The following PSME4 variants were observed in gnomAD, a reference collection of about 807,000 sequenced individuals.
PSME4 encodes proteasome activator subunit 4, also known as proteasome activator complex subunit 4.
A neutral mutation model predicts 253.9 loss-of-function variants in PSME4; 89 were observed. The observed-to-expected ratio is 0.35, with a 90% CI of 0.30 to 0.42. The LOEUF is 0.42. Among genes scored for constraint, PSME4 ranks in the 10% least tolerant of loss-of-function variants. PSME4 has a pLI of 1.00. For missense variants in PSME4, 2,014 were observed against 2,195.2 expected, an observed-to-expected ratio of 0.92 and a Z score of 1.65; for synonymous variants, 851 against 759.2, an observed-to-expected ratio of 1.12 and a Z score of -1.99.
At chr2:53,895,465 A>G (rs1339078900) in intron 33 of PSME4, 118 bp downstream of exon 33, 2 of 1,001,760 alleles carry the variant, frequency 2.0e-6, no homozygotes, top group Non-Finnish European at 2.9e-6. Context: ...AGAGAGGACT[A>G]GGGAAGGGGA....
chr2:53,925,426 T>C lies in PSME4; in HGVS notation c.1809+113A>G, dbSNP rs76935612. On this transcript the variant is annotated intron_variant, in intron 14 of 46. Coordinates refer to ENST00000404125, the MANE Select transcript of PSME4 (RefSeq NM_014614.3). ...ACTGTACATTTCTTTAAAACTTTAG[T>C]ATGAATGTAAATGATAAACTGCATG... 56 of 1,010,420 alleles carry C rather than the reference T, an allele frequency of 5.5e-5. No individual in the cohort carries two copies. The East Asian group carries it at 1.5e-3, about 27-fold the overall frequency. 62.6% of individuals were successfully genotyped at this position (1,010,420 alleles called of 1,614,324 possible). A position where few individuals can be genotyped will look rare whatever the true frequency, so the allele number is the denominator to read the frequency against.
At chr2:53,923,297 A>G in intron 15 of PSME4, 24 bp downstream of exon 15, 4 of 1,584,676 alleles carry the variant, frequency 2.5e-6, no homozygotes, top group Middle Eastern at 1.7e-4. Flanking sequence ...TCATTAATAC[A>G]TCAGTTCAAA....
chr2:53,925,550 C>A lies in PSME4; in HGVS notation c.1798G>T (p.Glu600Ter). 1 of 1,550,624 alleles carries A rather than the reference C, an allele frequency of 6.4e-7. No individual in the cohort carries two copies. The highest frequency in any genetic ancestry group is 8.8e-7 in the Non-Finnish European group (1 of 1,137,286). The change falls in exon 14 of 47, where the codon GAA (glutamate) becomes TAA (stop). Residue 600 changes from glutamate (E) to a stop codon, truncating the protein, a stop_gained. Transcript: ENST00000404125. LOFTEE classifies it high-confidence loss of function. ...AGCAATGTTCTTACCATAAATATTT[C>A]TTTGGAACATTGGGTGAGGATTGTA... ...FSTILTQCSK[E>*]IFMVALQKVF...
chr2:53,867,728 A>T (rs1330213186), intron 44 of PSME4, among the ~76,000 whole-genome samples: 1 of 151,654 alleles, frequency 6.6e-6, no homozygotes, highest in African/African-American at 2.4e-5. Context: ...TATCAATGAC[A>T]GCATAATTGT....
intron 41 of PSME4, among the ~76,000 whole-genome samples, chr2:53,878,461 C>A (rs111679784): frequency 1.2e-3 from 188 of 152,310 alleles, no homozygotes; most frequent in African/African-American, 4.3e-3. Context: ...AATGTTCAGA[C>A]AACAAAGGAG....
At position 53,940,988 on chromosome 2, in the gene PSME4, T is replaced by C. The variant is rs1282934640; in HGVS notation, c.501-988A>G. On this transcript the variant is annotated intron_variant, in intron 3 of 46. Coordinates refer to ENST00000404125, the MANE Select transcript of PSME4 (RefSeq NM_014614.3). ...ATATATATATATATATATATATATA[T>C]ATATATATATATGAAAGGAGTAAGT... 8.9e-5 allele frequency among the ~76,000 whole-genome samples: 8 copies of C among 90,350 alleles called. No homozygotes were observed. In the South Asian group the frequency reaches 2.3e-3, roughly 27 times the overall value. The allele number at this position is 90,350 out of a possible 152,430, so 59.3% of individuals were successfully genotyped here.
At chr2:53,909,265 T>C (rs1446045095) in intron 21 of PSME4, among the ~76,000 whole-genome samples, 3 of 152,184 alleles carry the variant, frequency 2.0e-5, no homozygotes, top group Non-Finnish European at 2.9e-5. Flanking sequence ...TAGCAATTAA[T>C]GTATGTAACT....
intron 33 of PSME4, 49 bp from the exon 34 acceptor site, chr2:53,895,125 G>C (rs1031966498): frequency 6.7e-7 from 1 of 1,501,154 alleles, no homozygotes; most frequent in African/African-American, 1.4e-5. Flanking sequence ...AAAAATATTA[G>C]AGCTTCATGG....
intron 40 of PSME4, among the ~76,000 whole-genome samples, 178 bp from the exon 41 acceptor site, chr2:53,885,953 C>G (rs778556413): frequency 3.3e-5 from 5 of 152,024 alleles, no homozygotes; most frequent in Admixed American, 6.6e-5. Flanking sequence ...TATAACAGCA[C>G]CCAAAATAAA....
Position 53,902,420 on chromosome 2 carries a change from A to C in PSME4, c.3076-861T>G, listed in dbSNP as rs139550014. Among the ~76,000 whole-genome samples, 141 of 152,330 alleles carry C rather than the reference A, an allele frequency of 9.3e-4. 5 individuals carry two copies. The East Asian group carries it at 0.023, about 25-fold the overall frequency. On this transcript the variant is annotated intron_variant, in intron 27 of 46. Transcript: ENST00000404125. ...AAGTGCTTTTTCATAAAAAGTTTTT[A>C]CTATCAAAACTTTTGATTTCCAATT...
chr2:53,869,703 A>C (rs1281937750), intron 43 of PSME4, 165 bp from the exon 44 acceptor site: 3 of 471,518 alleles, frequency 6.4e-6, no homozygotes, highest in Admixed American at 3.6e-5. Flanking sequence ...GCAGATTCTC[A>C]AAGAGTTTGT....
chr2:53,962,380 A>G (rs1332877024), intron 1 of PSME4, among the ~76,000 whole-genome samples: 1 of 144,262 alleles, frequency 6.9e-6, no homozygotes, highest in African/African-American at 2.6e-5. Flanking sequence ...ATATAGTTAT[A>G]TGCTTATTTA....
chr2:53,871,688 A>C lies in PSME4; in HGVS notation c.5101-2150T>G, dbSNP rs1172093964. 3.3e-5 allele frequency among the ~76,000 whole-genome samples: 5 copies of C among 152,104 alleles called. No individual in the cohort carries two copies. The East Asian group carries it at 9.6e-4, about 29-fold the overall frequency. On this transcript the variant is annotated intron_variant, in intron 43 of 46. Transcript: ENST00000404125. ...TTACGTTCCTATAAATAATATCCAA[A>C]TCCACTTTCTCCTAATTTATTTTTT...
At chr2:53,870,123 G>T (rs1450712999) in intron 43 of PSME4, 1 of 152,150 alleles carries the variant, frequency 6.6e-6, no homozygotes, top group Non-Finnish European at 1.5e-5. Context: ...GCGGTAAAAA[G>T]ACATTGTTTC....
chr2:53,943,287 G>A (rs1409942409), intron 3 of PSME4, among the ~76,000 whole-genome samples: 1 of 152,100 alleles, frequency 6.6e-6, no homozygotes, highest in Non-Finnish European at 1.5e-5. Context: ...GTATATATCT[G>A]CCTTCATCCC....
At chr2:53,933,303 G>A (rs113808583) in intron 8 of PSME4, 6,587 of 148,830 alleles carry the variant, frequency 0.044, 209 homozygotes, top group South Asian at 0.076. Context: ...ACTTGAACCC[G>A]GGAGGTGGAG....
intron 1 of PSME4, among the ~76,000 whole-genome samples, chr2:53,962,997 G>A (rs1398885195): frequency 1.4e-5 from 2 of 147,646 alleles, no homozygotes; most frequent in African/African-American, 2.5e-5. Context: ...GTAACAGAGC[G>A]AGACTCAGTG....
chr2:53,901,706 C>T, intron 27 of PSME4, 147 bp from the exon 28 acceptor site: 1 of 569,032 alleles, frequency 1.8e-6, no homozygotes, highest in Non-Finnish European at 2.9e-6. Flanking sequence ...ACACATTTAA[C>T]ATGTTACTTT....
intron 3 of PSME4, among the ~76,000 whole-genome samples, chr2:53,947,197 C>A (rs997541375): frequency 1.3e-5 from 2 of 152,144 alleles, no homozygotes. Flanking sequence ...GCCATCTGCA[C>A]TCATTTTCAA....
Sources: allele counts gnomAD v4.1 joint callset (sites outside exome capture counted in the v4.1 genomes callset), GRCh38; gene constraint gnomAD v4.1.1; transcripts MANE v1.5; gene names NCBI Gene and HGNC (gene_info 2026-07-23, HGNC 2026-07-21).